ME1: variants seen among roughly 807,000 people sequenced by gnomAD.
The protein encoded by ME1 is NADP-dependent malic enzyme.
In ME1, 74 loss-of-function variants were observed where a neutral mutation model predicts 66.4. That is an observed-to-expected ratio of 1.11 (90% CI 0.92 to 1.35). The LOEUF (loss-of-function observed/expected upper bound fraction) is 1.35, where lower values mean the gene tolerates loss of function less well. ME1 is among the 40% of genes most tolerant of loss of function. The probability of loss-of-function intolerance (pLI) is 0.00; values close to 1 mark genes in which losing one functional copy is unlikely to be tolerated. For synonymous variants in ME1, 251 were observed against 235.6 expected, an observed-to-expected ratio of 1.07 and a Z score of -0.60; for missense variants, 750 against 694.1, an observed-to-expected ratio of 1.08 and a Z score of -0.90.
Position 83,346,282 on chromosome 6 carries a change from C to G in ME1, c.491G>C (p.Cys164Ser). The G allele has an allele frequency of 6.2e-7, 1 of 1,613,308 alleles. No homozygotes were observed. Among genetic ancestry groups the G allele is most frequent in the Non-Finnish European group, 8.5e-7 (1 of 1,179,508 alleles). ...ERILGLGDLGCNGMGIPVGKL... is the reference protein window; with the variant it reads ...ERILGLGDLGSNGMGIPVGKL... ...ACCCACAGGGATGCCCATTCCATTA[C>G]AGCCAAGGTCTCCCAAGCCAAGAAT... The change falls in exon 5 of 14, where the codon TGT becomes TCT. Residue 164 changes from cysteine to serine, a missense_variant. By Grantham distance (112) the Cys-to-Ser change is moderately radical (BLOSUM62 -1). Transcript: ENST00000369705.
At position 83,255,641 on chromosome 6, in the gene ME1, C is replaced by T. The variant is rs143714651; in HGVS notation, c.705-1903G>A. On this transcript the variant is annotated intron_variant, in intron 6 of 13. Transcript: ENST00000369705. ...AAATTTCTGTTTTCTATATAATCAC[C>T]CAACTATGTCAGCACCATTTATTTA... Among the ~76,000 whole-genome samples the T allele has an allele frequency of 5.6e-4, 85 of 152,018 alleles. 1 individual carries two copies. Among genetic ancestry groups the T allele is most frequent in the African/African-American group, 1.9e-3 (78 of 41,496 alleles).
chr6:83,345,376 A>C (rs1045265887), intron 5 of ME1, among the ~76,000 whole-genome samples: 11 of 152,230 alleles, frequency 7.2e-5, no homozygotes, highest in African/African-American at 2.4e-4. Context: ...TGTGTAGGTT[A>C]AAAACATAAC....
intron 6 of ME1, among the ~76,000 whole-genome samples, chr6:83,266,991 T>C (rs1767000741): frequency 6.6e-6 from 1 of 152,202 alleles, no homozygotes; most frequent in Admixed American, 6.5e-5. Context: ...AGCCTAAATT[T>C]TCAAGAATGC....
In ME1 at chr6:83,430,911, C is replaced by A. The variant is rs1490419592; in HGVS notation, c.44G>T (p.Gly15Val). The stretch of plus-strand genomic sequence containing the variant: ...GTGAGGGTTCCGTGTCAGCAGGTAG[C>A]CGCGCTGATGGGTGTGGCGGCGACG... ...APRRRHTHQR[G>V]YLLTRNPHLN... Residue 15 changes from glycine (G) to valine (V), a missense_variant, in exon 1 of 14, where the codon GGC becomes GTC. Transcript: ENST00000369705. The A allele has an allele frequency of 6.2e-7, 1 of 1,602,894 alleles. No homozygotes were observed. The highest frequency in any genetic ancestry group is 1.1e-5 in the South Asian group (1 of 89,776).
intron 1 of ME1, among the ~76,000 whole-genome samples, chr6:83,429,693 C>T (rs1297644272): frequency 2.1e-5 from 3 of 139,570 alleles, no homozygotes; most frequent in Non-Finnish European, 4.8e-5. Flanking sequence ...CCTGTCACCA[C>T]ACACACAAAA....
chr6:83,350,432 A>T (rs1768776169), intron 4 of ME1, among the ~76,000 whole-genome samples: 1 of 152,186 alleles, frequency 6.6e-6, no homozygotes, highest in African/African-American at 2.4e-5. Context: ...TCTCTACTGC[A>T]GAACTATTTC....
At chr6:83,391,236 A>G (rs1189009306) in intron 3 of ME1, among the ~76,000 whole-genome samples, 2 of 152,148 alleles carry the variant, frequency 1.3e-5, no homozygotes, top group Non-Finnish European at 2.9e-5. Flanking sequence ...GAAGCACAGA[A>G]AAGTTAAATA....
intron 6 of ME1, among the ~76,000 whole-genome samples, chr6:83,291,453 C>T (rs926854024): frequency 6.6e-6 from 1 of 152,146 alleles, no homozygotes; most frequent in African/African-American, 2.4e-5. Context: ...TGGCCCCTAG[C>T]CTCTTCTGGT....
chr6:83,253,054 CT>C (rs1428075736), intron 7 of ME1, among the ~76,000 whole-genome samples: 2 of 152,138 alleles, frequency 1.3e-5, no homozygotes, highest in Admixed American at 6.5e-5. Flanking sequence ...GTGCTTCCCC[CT>C]ACCTTCCAAT....
At chr6:83,428,992 G>A (rs891598378) in intron 1 of ME1, among the ~76,000 whole-genome samples, 5 of 152,106 alleles carry the variant, frequency 3.3e-5, no homozygotes, top group South Asian at 2.1e-4. Flanking sequence ...GGCTGGGCGC[G>A]GTGGCTCATG....
At chr6:83,226,413 G>T (rs920406949) in intron 11 of ME1, among the ~76,000 whole-genome samples, 20 of 152,210 alleles carry the variant, frequency 1.3e-4, no homozygotes, top group African/African-American at 4.6e-4. Flanking sequence ...CTAAGACTTG[G>T]TTGTTGCTGA....
At position 83,404,632 on chromosome 6, in the gene ME1, G is replaced by T. The variant is rs145562069; in HGVS notation, c.212+3136C>A. ...CTAGGTTTTCTTCCAGGGTTTTTAT[G>T]GTTTTAGGTCTTACGTTTAAATCGT... On this transcript the variant is annotated intron_variant, in intron 2 of 13. Coordinates refer to ENST00000369705, the MANE Select transcript of ME1 (RefSeq NM_002395.6). Among the ~76,000 whole-genome samples, 1,233 of 152,196 alleles carry T rather than the reference G, an allele frequency of 8.1e-3. 9 individuals are homozygous for T. The highest frequency in any genetic ancestry group is 0.029 in the African/African-American group (1,191 of 41,522).
intron 4 of ME1, among the ~76,000 whole-genome samples, chr6:83,348,753 C>T (rs547128419): frequency 4.6e-5 from 7 of 151,154 alleles, no homozygotes; most frequent in South Asian, 2.1e-4. Flanking sequence ...TTTGGGAGGC[C>T]GAGATGGGCG....
chr6:83,282,396 A>G (rs902966195), intron 6 of ME1, among the ~76,000 whole-genome samples: 3 of 152,218 alleles, frequency 2.0e-5, no homozygotes, highest in African/African-American at 7.2e-5. Flanking sequence ...GAATCTACAA[A>G]GAACTTAAAC....
chr6:83,404,546 C>T (rs998560135), intron 2 of ME1, among the ~76,000 whole-genome samples: 36 of 152,212 alleles, frequency 2.4e-4, no homozygotes, highest in African/African-American at 7.9e-4. Flanking sequence ...CTTTTGTTGC[C>T]ACTGCTTTTG....
At chr6:83,315,538 T>G in intron 5 of ME1, 125 bp from the exon 6 acceptor site, 1 of 618,738 alleles carries the variant, frequency 1.6e-6, no homozygotes, top group Non-Finnish European at 2.9e-6. Flanking sequence ...TGATTCAGAA[T>G]TAACCTACAG....
chr6:83,214,897 T>C (rs1435695015), intron 13 of ME1, among the ~76,000 whole-genome samples: 2 of 152,198 alleles, frequency 1.3e-5, no homozygotes, highest in Non-Finnish European at 2.9e-5. Context: ...CTTCCATTAT[T>C]CTAGGTGTGA....
At chr6:83,264,743 A>G (rs1461527553) in intron 6 of ME1, among the ~76,000 whole-genome samples, 2 of 152,246 alleles carry the variant, frequency 1.3e-5, no homozygotes, top group Non-Finnish European at 2.9e-5. Context: ...CTGCAATCTC[A>G]TTATAAAACC....
Position 83,346,175 on chromosome 6 carries a change from C to A in ME1, c.598G>T (p.Glu200Ter). The stretch of plus-strand genomic sequence containing the variant: ...CCTTATAGACGTAAATTATTTACCT[C>A]ATTTTCGGTTCCCACATCCAGAATG... ...PVILDVGTEN[E>*]ELLKDPLYIG... The change falls in exon 5 of 14, where the codon GAG (glutamate) becomes TAG (stop). Residue 200 changes from glutamate to a stop codon, truncating the protein, a stop_gained and splice_region_variant. Transcript: ENST00000369705. LOFTEE classifies it high-confidence loss of function. 2.5e-6 allele frequency: 4 copies of A among 1,604,758 alleles called. No homozygotes were observed. Among genetic ancestry groups the A allele is most frequent in the African/African-American group, 1.3e-5 (1 of 74,702 alleles).
Sources: gnomAD v4.1 joint callset for allele counts (sites outside exome capture counted in the v4.1 genomes callset) on GRCh38, gnomAD v4.1.1 for gene constraint, MANE v1.5 for transcripts, NCBI Gene and HGNC (gene_info 2026-07-23, HGNC 2026-07-21) for gene names.